The following SLC25A13 variants were observed in gnomAD, a reference collection of about 807,000 sequenced individuals.
SLC25A13 encodes the protein solute carrier family 25 member 13.
Under a neutral mutation model 85.5 loss-of-function variants are expected in SLC25A13, and 70 were observed. The ratio of observed to expected loss-of-function variants is 0.82; its 90% CI spans 0.68 to 1.00. The LOEUF is 1.00. Among genes scored for constraint, SLC25A13 ranks in the 50% least tolerant of loss-of-function variants. The pLI is 0.00. For missense variants in SLC25A13, 765 were observed against 819.8 expected (o/e 0.93, Z 0.82); for synonymous variants, 259 against 288.7 (o/e 0.90, Z 1.04).
rs903938988 is a variant in SLC25A13 at position 96,248,811 on chromosome 7, T to C, written c.213-13894A>G. ...AGGATAAATAAATCTTTAAGCAAAA[T>C]ATTTTCAAGATATACTGCTATCAGG... On this transcript the variant is annotated intron_variant, in intron 3 of 17. Coordinates refer to ENST00000265631, the MANE Select transcript of SLC25A13 (RefSeq NM_014251.3). Among the ~76,000 whole-genome samples, 3 of 152,168 alleles carry C rather than the reference T, an allele frequency of 2.0e-5. No individual in the cohort carries two copies. In the East Asian group the frequency reaches 5.8e-4, roughly 29 times the overall value.
intron 3 of SLC25A13, among the ~76,000 whole-genome samples, chr7:96,249,932 C>T (rs1797347980): frequency 6.6e-6 from 1 of 150,704 alleles, no homozygotes; most frequent in East Asian, 1.9e-4. Flanking sequence ...GCCTGTAATC[C>T]CAGCACCTTG....
chr7:96,316,895 G>C (rs1800146760), intron 1 of SLC25A13, among the ~76,000 whole-genome samples: 1 of 152,254 alleles, frequency 6.6e-6, no homozygotes, highest in East Asian at 1.9e-4. Context: ...GACAGAGTGA[G>C]GCCACAGCTG....
chr7:96,232,768 C>T (rs1186387772), intron 4 of SLC25A13, among the ~76,000 whole-genome samples: 2 of 151,796 alleles, frequency 1.3e-5, no homozygotes, highest in Admixed American at 6.6e-5. Context: ...ATCTTTTAAT[C>T]CTTACATAGT....
chr7:96,181,511 A>G (rs1326390099), intron 11 of SLC25A13, among the ~76,000 whole-genome samples: 3 of 152,260 alleles, frequency 2.0e-5, no homozygotes, highest in African/African-American at 7.2e-5. Context: ...TATTCTTGTT[A>G]TAAGAAAAAG....
intron 4 of SLC25A13, among the ~76,000 whole-genome samples, chr7:96,233,044 T>C (rs1226386787): frequency 6.6e-6 from 1 of 152,224 alleles, no homozygotes; most frequent in Non-Finnish European, 1.5e-5. Flanking sequence ...GTGTCACCAA[T>C]ATCCCTTGCC....
At position 96,246,127 on chromosome 7, in the gene SLC25A13, T is replaced by G. The variant is rs143083227; in HGVS notation, c.213-11210A>C. On this transcript the variant is annotated intron_variant, in intron 3 of 17. Coordinates refer to ENST00000265631, the MANE Select transcript of SLC25A13 (RefSeq NM_014251.3). ...GCACCCAAGGACAGAAAGACTGGCC[T>G]GCATGCAAGGGCACACACTGCCAAA... Among the ~76,000 whole-genome samples the G allele has an allele frequency of 2.1e-4, 32 of 152,340 alleles. No individual in the cohort carries two copies. The East Asian group carries it at 4.8e-3, about 23-fold the overall frequency.
At chr7:96,189,745 G>A (rs1794776325) in intron 7 of SLC25A13, 71 bp from the exon 8 acceptor site, 2 of 1,197,992 alleles carry the variant, frequency 1.7e-6, no homozygotes, top group South Asian at 1.2e-5. Context: ...TTAACTCAAG[G>A]CACTGGAATG....
At chr7:96,183,380 C>T (rs1319138265) in intron 11 of SLC25A13, among the ~76,000 whole-genome samples, 2 of 152,128 alleles carry the variant, frequency 1.3e-5, no homozygotes, top group Non-Finnish European at 2.9e-5. Flanking sequence ...TCCATGTCTG[C>T]CAGTTTCACC....
intron 14 of SLC25A13, among the ~76,000 whole-genome samples, chr7:96,141,932 T>C (rs1395852690): frequency 6.6e-6 from 1 of 152,188 alleles, no homozygotes; most frequent in South Asian, 2.1e-4. Context: ...AAAATATACA[T>C]AGGGATGATC....
intron 6 of SLC25A13, 118 bp downstream of exon 6, chr7:96,192,919 C>A (rs1794913368): frequency 8.9e-7 from 1 of 1,122,116 alleles, no homozygotes. Context: ...TGTATGTGAT[C>A]ACATTAAAAT....
rs537835577 is a variant in SLC25A13, at chr7:96,223,165, C to A, written c.328+11637G>T. 2.0e-5 allele frequency among the ~76,000 whole-genome samples: 3 copies of A among 152,016 alleles called. No homozygotes were observed. The South Asian group carries it at 6.2e-4, about 32-fold the overall frequency. Reference sequence around the variant, plus strand: ...ACAGACTCCCTGATACTTATCCAGGCAAAGAGTTGAGAACCCTTGACTTTA... The same window carrying A: ...ACAGACTCCCTGATACTTATCCAGGAAAAGAGTTGAGAACCCTTGACTTTA... On this transcript the variant is annotated intron_variant, in intron 4 of 17. Transcript: ENST00000265631.
intron 4 of SLC25A13, among the ~76,000 whole-genome samples, chr7:96,221,322 A>G (rs1026737705): frequency 3.9e-5 from 6 of 152,156 alleles, no homozygotes; most frequent in African/African-American, 1.4e-4. Flanking sequence ...CTTACTCTCT[A>G]TTTGGGATGT....
At chr7:96,271,171 G>A (rs1798225376) in intron 3 of SLC25A13, among the ~76,000 whole-genome samples, 1 of 152,130 alleles carries the variant, frequency 6.6e-6, no homozygotes, top group African/African-American at 2.4e-5. Context: ...GCCTGTTAAG[G>A]TGAGTAACAG....
intron 2 of SLC25A13, among the ~76,000 whole-genome samples, chr7:96,284,909 GACTAAT>G (rs1798828378): frequency 6.6e-6 from 1 of 152,166 alleles, no homozygotes; most frequent in African/African-American, 2.4e-5. Flanking sequence ...GAACAGAACA[GACTAAT>G]ACAATAGTAC....
chr7:96,190,975 A>T, intron 7 of SLC25A13, 134 bp downstream of exon 7: 3 of 1,152,402 alleles, frequency 2.6e-6, no homozygotes, highest in Non-Finnish European at 3.9e-6. Flanking sequence ...TCAAAGGATG[A>T]AAAACACACG....
At chr7:96,205,373 A>G (rs1795420676) in intron 5 of SLC25A13, among the ~76,000 whole-genome samples, 1 of 152,242 alleles carries the variant, frequency 6.6e-6, no homozygotes, top group Non-Finnish European at 1.5e-5. Context: ...GGAGAGGTTT[A>G]CAGAATATTT....
intron 3 of SLC25A13, among the ~76,000 whole-genome samples, chr7:96,255,930 TAAAG>T (rs1250209194): frequency 3.3e-5 from 5 of 152,098 alleles, no homozygotes; most frequent in African/African-American, 1.2e-4. Context: ...TCAACATTCT[TAAAG>T]AAAATAATTT....
intron 4 of SLC25A13, among the ~76,000 whole-genome samples, chr7:96,216,348 C>G (rs1795900440): frequency 6.6e-6 from 1 of 151,976 alleles, no homozygotes; most frequent in Admixed American, 6.6e-5. Context: ...GGCAATTCCT[C>G]AAAGACCTAA....
intron 3 of SLC25A13, among the ~76,000 whole-genome samples, chr7:96,267,120 G>C (rs925936933): frequency 4.6e-5 from 7 of 152,168 alleles, no homozygotes; most frequent in African/African-American, 1.7e-4. Context: ...CTTGACAGAT[G>C]ATGAGCACTT....
Sources: allele counts gnomAD v4.1 joint callset (sites outside exome capture counted in the v4.1 genomes callset), GRCh38; gene constraint gnomAD v4.1.1; transcripts MANE v1.5; gene names NCBI Gene and HGNC (gene_info 2026-07-23, HGNC 2026-07-21).